TLCD3B: variants seen among roughly 807,000 people sequenced by gnomAD.
TLCD3B encodes ceramide synthase.
In TLCD3B, 9 loss-of-function variants were observed where a neutral mutation model predicts 23.0. The observed-to-expected ratio is 0.39, with a 90% CI of 0.24 to 0.68. The LOEUF (loss-of-function observed/expected upper bound fraction) is 0.68, where lower values mean the gene tolerates loss of function less well. Among genes scored for constraint, TLCD3B ranks in the 30% least tolerant of loss-of-function variants. The pLI is 0.44. For synonymous variants in TLCD3B, 161 were observed against 161.0 expected (o/e 1.00, Z 0.00); for missense variants, 307 against 371.8 (o/e 0.83, Z 1.43).
intron 3 of TLCD3B, among the ~76,000 whole-genome samples, chr16:30,039,101 C>CTTT (rs10623783): frequency 8.3e-6 from 1 of 120,854 alleles, no homozygotes; most frequent in African/African-American, 3.2e-5. Context: ...CCTCCTTCCT[C>CTTT]TCTTTTTTTT....
intron 2 of TLCD3B, among the ~76,000 whole-genome samples, chr16:30,045,092 C>CAAAAAAAAAAAAAAAAA (rs1162281544): frequency 6.3e-4 from 14 of 22,224 alleles, no homozygotes; most frequent in East Asian, 1.3e-3. Flanking sequence ...GACTCCATCT[C>CAAAAAAAAAAAAAAAAA]AAAAAAAAAA....
At chr16:30,036,855 C>T (rs141552371) in intron 3 of TLCD3B, among the ~76,000 whole-genome samples, 2 of 151,972 alleles carry the variant, frequency 1.3e-5, no homozygotes, top group African/African-American at 2.4e-5. Flanking sequence ...GAGGCTGAGG[C>T]GAGTGGGTCA....
chr16:30,042,531 C>T (rs941225913), intron 2 of TLCD3B, among the ~76,000 whole-genome samples: 25 of 152,192 alleles, frequency 1.6e-4, no homozygotes, highest in African/African-American at 3.4e-4. Context: ...GCCTCTGATC[C>T]GCCTTTATAC....
intron 1 of TLCD3B, among the ~76,000 whole-genome samples, chr16:30,049,781 C>T (rs956150524): frequency 2.0e-4 from 30 of 151,962 alleles, no homozygotes; most frequent in African/African-American, 5.6e-4. Context: ...AAAAATTAGC[C>T]GGGCATGGTG....
At chr16:30,052,561 G>A (rs1243554317) in intron 1 of TLCD3B, among the ~76,000 whole-genome samples, 1 of 151,662 alleles carries the variant, frequency 6.6e-6, no homozygotes, top group Non-Finnish European at 1.5e-5. Flanking sequence ...GCCGGGTGTG[G>A]TAGTGCGCGC....
intron 3 of TLCD3B, among the ~76,000 whole-genome samples, chr16:30,038,772 T>G (rs1286397024): frequency 6.6e-6 from 1 of 151,806 alleles, no homozygotes; most frequent in African/African-American, 2.4e-5. Context: ...AAAAAAAAAT[T>G]TAATTAAAAA....
rs34857578 is a variant in TLCD3B, at chr16:30,044,010, C to CTT, written c.-229+2311_-229+2312dup. Among the ~76,000 whole-genome samples the CTT allele has an allele frequency of 1.2e-3, 168 of 138,980 alleles. 1 individual carries two copies. The highest frequency in any genetic ancestry group is 2.0e-3 in the Admixed American group (28 of 13,846). 91.2% of individuals were successfully genotyped at this position (138,980 alleles called of 152,430 possible). ...ATGGTTAGCATGAGCTAACCATGTC[C>CTT]TTTTTTTTTTTTTTTTAACTCTGTC... On this transcript the variant is annotated intron_variant, in intron 2 of 6. Coordinates refer to the TLCD3B transcript ENST00000561666.
At chr16:30,038,888 A>G (rs1229261322) in intron 3 of TLCD3B, among the ~76,000 whole-genome samples, 1 of 152,166 alleles carries the variant, frequency 6.6e-6, no homozygotes, top group Non-Finnish European at 1.5e-5. Flanking sequence ...AACTTGTCCA[A>G]GGTTAAACAG....
chr16:30,030,278 G>T, intron 1 of TLCD3B, 125 bp downstream of exon 1: 1 of 1,181,480 alleles, frequency 8.5e-7, no homozygotes, highest in Non-Finnish European at 1.2e-6. Context: ...TGGGGGTAAA[G>T]CCCCGGACCC....
chr16:30,041,620 G>A (rs2071581425), intron 2 of TLCD3B, among the ~76,000 whole-genome samples: 1 of 151,322 alleles, frequency 6.6e-6, no homozygotes, highest in Non-Finnish European at 1.5e-5. Context: ...TACTTGGGAG[G>A]CTGAGGCAGG....
At chr16:30,052,104 T>C (rs2071766897) in intron 1 of TLCD3B, among the ~76,000 whole-genome samples, 3 of 152,174 alleles carry the variant, frequency 2.0e-5, no homozygotes, top group Admixed American at 1.3e-4. Flanking sequence ...CAGTGGCTCA[T>C]GCCAGTAATC....
At chr16:30,036,806 C>G (rs964477610) in intron 3 of TLCD3B, among the ~76,000 whole-genome samples, 1 of 152,070 alleles carries the variant, frequency 6.6e-6, no homozygotes, top group Non-Finnish European at 1.5e-5. Flanking sequence ...GGTGCAGGGC[C>G]GGGCGTGGTG....
At chr16:30,027,460 G>T (rs1408835373) in intron 2 of TLCD3B, 2 of 420,464 alleles carry the variant, frequency 4.8e-6, no homozygotes, top group Non-Finnish European at 9.7e-6. Flanking sequence ...TGGCTCCACA[G>T]CCCTCACTGT....
At chr16:30,050,930 G>A (rs2071739642) in intron 1 of TLCD3B, among the ~76,000 whole-genome samples, 1 of 152,200 alleles carries the variant, frequency 6.6e-6, no homozygotes, top group Non-Finnish European at 1.5e-5. Flanking sequence ...AGAGAGGGGT[G>A]CTTGTGTGAG....
intron 2 of TLCD3B, among the ~76,000 whole-genome samples, chr16:30,045,741 G>A (rs1162137300): frequency 2.0e-5 from 3 of 151,192 alleles, no homozygotes; most frequent in African/African-American, 7.3e-5. Context: ...GTGTGTTTGT[G>A]TGTGTGTGTG....
At chr16:30,042,936 A>G (rs545608272) in intron 2 of TLCD3B, among the ~76,000 whole-genome samples, 1 of 152,138 alleles carries the variant, frequency 6.6e-6, no homozygotes, top group South Asian at 2.1e-4. Context: ...ATTTCTACTA[A>G]AAATACAAAA....
At position 30,026,734 on chromosome 16, in the gene TLCD3B, C is replaced by T. The variant is rs2071158510; in HGVS notation, c.319G>A (p.Gly107Arg). 6.2e-7 allele frequency: 1 copy of T among 1,614,028 alleles called. No homozygotes were observed. The highest frequency in any genetic ancestry group is 1.7e-5 in the Admixed American group (1 of 60,004). ...GGGGCTCTGGCCGCTCCGTCGTCCCCTCCATGCCCTTTGACCTGGTGCTTG... is the reference window on the plus strand; with the variant it reads ...GGGGCTCTGGCCGCTCCGTCGTCCCTTCCATGCCCTTTGACCTGGTGCTTG... ...WHKHQVKGHG[G>R]DDGAARAPGS... The change falls in exon 3 of 5, where the codon GGG becomes AGG. Residue 107 changes from glycine to arginine, a missense_variant. Physicochemically the swap from Gly to Arg is moderately radical, Grantham distance 125. Transcript: ENST00000380495.
chr16:30,050,717 C>T (rs79509560), intron 1 of TLCD3B, among the ~76,000 whole-genome samples: 2,424 of 152,248 alleles, frequency 0.016, 66 homozygotes, highest in African/African-American at 0.055. Context: ...GTATGGTTGA[C>T]AGTGGGAGGG....
At chr16:30,044,581 G>C (rs2071628234) in intron 2 of TLCD3B, among the ~76,000 whole-genome samples, 1 of 152,058 alleles carries the variant, frequency 6.6e-6, no homozygotes, top group African/African-American at 2.4e-5. Context: ...CAATGTGCTG[G>C]GATTACAGAA....
Sources: allele counts gnomAD v4.1 joint callset (sites outside exome capture counted in the v4.1 genomes callset), GRCh38; gene constraint gnomAD v4.1.1; transcripts MANE v1.5; gene names NCBI Gene and HGNC (gene_info 2026-07-23, HGNC 2026-07-21).